ASPH: variants seen among roughly 807,000 people sequenced by gnomAD.
ASPH encodes aspartyl/asparaginyl beta-hydroxylase.
ASPH carries 100 observed loss-of-function variants against 118.4 expected under a neutral mutation model. That is an observed-to-expected ratio of 0.84 (90% CI 0.72 to 1.00). The LOEUF is 1.00. ASPH is among the 50% of genes least tolerant of loss of function. ASPH has a pLI of 0.00. For synonymous variants in ASPH, 315 were observed against 325.6 expected, an observed-to-expected ratio of 0.97 and a Z score of 0.35; for missense variants, 920 against 919.5, an observed-to-expected ratio of 1.00 and a Z score of -0.01.
chr8:61,609,489 G>T (rs1366872579), intron 14 of ASPH, among the ~76,000 whole-genome samples: 1 of 152,188 alleles, frequency 6.6e-6, no homozygotes, highest in African/African-American at 2.4e-5. Context: ...CCCAATGGAT[G>T]AAGAGGAAGA....
intron 21 of ASPH, among the ~76,000 whole-genome samples, chr8:61,535,673 T>C (rs1490761058): frequency 9.2e-5 from 14 of 152,264 alleles, no homozygotes; most frequent in Non-Finnish European, 2.1e-4. Context: ...GTTAAGAATA[T>C]GCTTGTCATT....
chr8:61,690,487 C>T lies in ASPH; in HGVS notation c.104-6299G>A, dbSNP rs143092230. ...TTGAAAGGGAACTAGGAAAAGATTACACAACCACATTCTGATTTTTTTTTT... is the reference window on the plus strand; with the variant it reads ...TTGAAAGGGAACTAGGAAAAGATTATACAACCACATTCTGATTTTTTTTTT... On this transcript the variant is annotated intron_variant, in intron 1 of 24. Transcript: ENST00000379454. Among the ~76,000 whole-genome samples the T allele has an allele frequency of 5.5e-3, 835 of 152,078 alleles. 9 individuals carry two copies. Among genetic ancestry groups the T allele is most frequent in the African/African-American group, 0.019 (784 of 41,484 alleles).
At chr8:61,607,680 A>C (rs1846028453) in intron 14 of ASPH, among the ~76,000 whole-genome samples, 1 of 152,204 alleles carries the variant, frequency 6.6e-6, no homozygotes, top group African/African-American at 2.4e-5. Context: ...GGTCTATGGC[A>C]ATGACCCAGG....
chr8:61,665,097 AT>A (rs1259943423), intron 3 of ASPH: 17 of 1,414,026 alleles, frequency 1.2e-5, no homozygotes, highest in Non-Finnish European at 1.6e-5. Flanking sequence ...GTATATTTAA[AT>A]TTCAGGTAAT....
At chr8:61,659,474 A>G (rs1025062162) in intron 3 of ASPH, 1 of 152,226 alleles carries the variant, frequency 6.6e-6, no homozygotes, top group Non-Finnish European at 1.5e-5. Context: ...ACCTGACTTA[A>G]CATGGAGCAA....
rs910414783 is a variant in ASPH, at chr8:61,709,737, T to C, written c.103+4532A>G. ...CAAACTAAGCTGCATATTTTCATGA[T>C]ATTAAAACAGTGGCTGGAGTTACCT... is the stretch of plus-strand genomic sequence containing the variant. On this transcript the variant is annotated intron_variant, in intron 1 of 24. Coordinates refer to ENST00000379454, the MANE Select transcript of ASPH (RefSeq NM_004318.4). Among the ~76,000 whole-genome samples the C allele has an allele frequency of 2.0e-5, 3 of 152,334 alleles. No individual in the cohort carries two copies. The East Asian group carries it at 5.8e-4, about 29-fold the overall frequency.
intron 13 of ASPH, among the ~76,000 whole-genome samples, chr8:61,621,016 C>T (rs1035235704): frequency 1.3e-5 from 2 of 152,206 alleles, no homozygotes; most frequent in African/African-American, 4.8e-5. Flanking sequence ...AGACTCACGT[C>T]CTCCCAGGAA....
rs111283221 is a variant in ASPH, at chr8:61,683,687, GT to G, written c.253+351del. 55 of 164,680 alleles carry G rather than the reference GT, an allele frequency of 3.3e-4. 1 individual carries two copies. The highest frequency in any genetic ancestry group is 7.6e-4 in the African/African-American group (32 of 41,970). 10.2% of individuals were successfully genotyped at this position (164,680 alleles called of 1,614,324 possible). A position where few individuals can be genotyped will look rare whatever the true frequency, so the allele number is the denominator to read the frequency against. On this transcript the variant is annotated intron_variant, in intron 2 of 24. Coordinates refer to ENST00000379454, the MANE Select transcript of ASPH (RefSeq NM_004318.4). ...TCCATTAGCAAGTCCTTAAATAAAT[GT>G]AATGGCTCATGATCAAGTATTTTTA...
intron 16 of ASPH, among the ~76,000 whole-genome samples, chr8:61,573,801 T>A (rs1427030829): frequency 6.6e-6 from 1 of 152,146 alleles, no homozygotes; most frequent in East Asian, 1.9e-4. Context: ...AAAGACTTCA[T>A]GACTAAGACA....
At chr8:61,507,894 A>G (rs1807254999) in intron 24 of ASPH, among the ~76,000 whole-genome samples, 1 of 152,202 alleles carries the variant, frequency 6.6e-6, no homozygotes, top group Admixed American at 6.5e-5. Context: ...GTACTGTTAC[A>G]GCCTTGTCTA....
intron 21 of ASPH, among the ~76,000 whole-genome samples, chr8:61,539,165 C>T (rs1010601101): frequency 2.6e-5 from 4 of 152,112 alleles, no homozygotes; most frequent in Non-Finnish European, 4.4e-5. Context: ...CGCTTGAACC[C>T]GGAGGGCGGA....
At chr8:61,616,559 C>T (rs148369777) in intron 14 of ASPH, among the ~76,000 whole-genome samples, 6 of 152,166 alleles carry the variant, frequency 3.9e-5, no homozygotes, top group Admixed American at 3.3e-4. Flanking sequence ...GGGCTGGGTA[C>T]GGTGTCCACA....
At chr8:61,606,600 TA>T (rs1845641462) in intron 14 of ASPH, 1 of 152,220 alleles carries the variant, frequency 6.6e-6, no homozygotes. Context: ...ATGTAGGTGC[TA>T]ATTAAATCCA....
Position 61,679,942 on chromosome 8 carries a change from T to TAATAAAA in ASPH, c.322+1025_322+1026insTTTTATT, listed in dbSNP as rs1563553724. Among the ~76,000 whole-genome samples the TAATAAAA allele has an allele frequency of 3.3e-4, 22 of 67,146 alleles. 1 individual carries two copies. Among genetic ancestry groups the TAATAAAA allele is most frequent in the East Asian group, 7.2e-4 (2 of 2,768 alleles). 44.1% of individuals were successfully genotyped at this position (67,146 alleles called of 152,430 possible). A position where few individuals can be genotyped will look rare whatever the true frequency, so the allele number is the denominator to read the frequency against. ...AACACTAATTCCCAATGGGCAATAA[T>TAATAAAA]AAAAAAAAAAAAAAAACAAAAAACA... On this transcript the variant is annotated intron_variant, in intron 3 of 24. Coordinates refer to ENST00000379454, the MANE Select transcript of ASPH (RefSeq NM_004318.4).
chr8:61,574,552 C>T (rs1303772027), intron 16 of ASPH, among the ~76,000 whole-genome samples: 12 of 152,042 alleles, frequency 7.9e-5, no homozygotes, highest in Non-Finnish European at 4.4e-5. Flanking sequence ...TTTACAGGGA[C>T]GTGGATGAAG....
chr8:61,662,172 T>G (rs1488719829), intron 3 of ASPH, among the ~76,000 whole-genome samples: 1 of 152,178 alleles, frequency 6.6e-6, no homozygotes, highest in East Asian at 1.9e-4. Context: ...TTTCACAAAA[T>G]TGACTATCTC....
intron 1 of ASPH, among the ~76,000 whole-genome samples, chr8:61,711,437 G>A (rs1224116835): frequency 3.3e-5 from 5 of 152,078 alleles, no homozygotes; most frequent in Non-Finnish European, 5.9e-5. Flanking sequence ...AAGGTAGGAA[G>A]TCTAATTTAT....
chr8:61,594,217 G>A (rs776724740), intron 14 of ASPH, among the ~76,000 whole-genome samples: 4 of 152,124 alleles, frequency 2.6e-5, no homozygotes, highest in Admixed American at 6.5e-5. Context: ...ACCAGGGAAT[G>A]TTAAATTATT....
In ASPH at chr8:61,625,695, T is replaced by A. The variant is rs147753793; in HGVS notation, c.935-6676A>T. On this transcript the variant is annotated intron_variant, in intron 13 of 24. Transcript: ENST00000379454. ...GCTACAAAAATTTCAAAAGTGTTAA[T>A]CTGAACACTTAAAGCTAATGTAGAA... 1.3e-3 allele frequency: 1,329 copies of A among 985,128 alleles called. 11 individuals carry two copies. The African/African-American group carries it at 0.021, about 15-fold the overall frequency. The allele number at this position is 985,128 out of a possible 1,614,324, so 61.0% of individuals were successfully genotyped here. A position where few individuals can be genotyped will look rare whatever the true frequency, so the allele number is the denominator to read the frequency against.
Sources: gnomAD v4.1 joint callset for allele counts (sites outside exome capture counted in the v4.1 genomes callset) on GRCh38, gnomAD v4.1.1 for gene constraint, MANE v1.5 for transcripts, NCBI Gene and HGNC (gene_info 2026-07-23, HGNC 2026-07-21) for gene names.